Variants in LGSN observed in about 807,000 individuals in gnomAD.
The protein encoded by LGSN is lengsin, lens protein with glutamine synthetase domain.
A neutral mutation model predicts 19.5 loss-of-function variants in LGSN; 21 were observed. The ratio of observed to expected loss-of-function variants is 1.07; its 90% confidence interval spans 0.76 to 1.55. The LOEUF is 1.55. Ranked by LOEUF, LGSN falls within the 40% of genes most tolerant of loss-of-function variation. The probability of loss-of-function intolerance (pLI) is 0.00; values close to 1 mark genes in which losing one functional copy is unlikely to be tolerated. For synonymous variants in LGSN, 257 were observed against 215.6 expected (o/e 1.19, Z -1.68); for missense variants, 673 against 608.5 (o/e 1.11, Z -1.12).
chr6:63,363,024 T>C, the LGSN span, among the ~76,000 whole-genome samples: 1 of 152,194 alleles, frequency 6.6e-6, no homozygotes, highest in African/African-American at 2.4e-5. Flanking sequence ...GGCAGCAATA[T>C]TTGCCGTTCT....
At chr6:63,430,822 T>C in the LGSN span, among the ~76,000 whole-genome samples, 3 of 152,158 alleles carry the variant, frequency 2.0e-5, no homozygotes, top group Admixed American at 6.5e-5. Flanking sequence ...GAACAAACTA[T>C]GATCCACTGC....
the LGSN span, among the ~76,000 whole-genome samples, chr6:63,442,883 G>T: frequency 6.6e-6 from 1 of 152,306 alleles, no homozygotes; most frequent in East Asian, 1.9e-4. Flanking sequence ...CAACTCAGGA[G>T]CCCAGCTGGC....
intron 2 of LGSN, 67 bp from the exon 3 acceptor site, chr6:63,285,820 G>A (rs947480485): frequency 1.6e-6 from 2 of 1,232,734 alleles, no homozygotes; most frequent in Middle Eastern, 1.9e-4. Context: ...AAGGAGACTG[G>A]AGACTAGTGA....
the LGSN span, among the ~76,000 whole-genome samples, chr6:63,460,438 G>A: frequency 6.6e-6 from 1 of 151,994 alleles, no homozygotes; most frequent in African/African-American, 2.4e-5. Context: ...CACTTGTCTT[G>A]TACTAAATTA....
the LGSN span, among the ~76,000 whole-genome samples, chr6:63,555,891 G>A: frequency 1.6e-3 from 236 of 151,890 alleles, no homozygotes; most frequent in African/African-American, 5.2e-3. Context: ...ACAGGGTTTC[G>A]CTATGTTGGC....
the LGSN span, among the ~76,000 whole-genome samples, chr6:63,435,260 C>A: frequency 2.6e-5 from 4 of 152,182 alleles, no homozygotes; most frequent in African/African-American, 7.2e-5. Context: ...TTCAGATCAA[C>A]CTTGTTCAGC....
the LGSN span, among the ~76,000 whole-genome samples, chr6:63,383,903 T>C: frequency 6.6e-6 from 1 of 152,164 alleles, no homozygotes; most frequent in African/African-American, 2.4e-5. Context: ...GAGCCACCCT[T>C]TCAAACTCAT....
chr6:63,498,854 G>A, the LGSN span, among the ~76,000 whole-genome samples: 1 of 152,012 alleles, frequency 6.6e-6, no homozygotes, highest in Non-Finnish European at 1.5e-5. Flanking sequence ...AGACTATAGG[G>A]TAACCAAAGA....
intron 2 of LGSN, among the ~76,000 whole-genome samples, chr6:63,291,180 T>G (rs1368064987): frequency 6.6e-6 from 1 of 152,210 alleles, no homozygotes; most frequent in South Asian, 2.1e-4. Context: ...TGAGCGCTTT[T>G]GGGTTGCGGC....
the LGSN span, among the ~76,000 whole-genome samples, chr6:63,471,995 A>G: frequency 9.9e-5 from 15 of 152,188 alleles, no homozygotes; most frequent in African/African-American, 3.4e-4. Flanking sequence ...CTTCTGTTTT[A>G]TCCAGGATTA....
the LGSN span, among the ~76,000 whole-genome samples, chr6:63,511,843 ACTT>A: frequency 1.3e-5 from 2 of 152,184 alleles, no homozygotes; most frequent in South Asian, 4.1e-4. Flanking sequence ...ATTTGTTACT[ACTT>A]ATGTGTACAC....
At chr6:63,288,529 T>G (rs575679155) in intron 2 of LGSN, among the ~76,000 whole-genome samples, 56 of 151,876 alleles carry the variant, frequency 3.7e-4, no homozygotes, top group African/African-American at 1.3e-3. Flanking sequence ...CATGGACAGC[T>G]CTAACCCTTG....
At chr6:63,523,331 G>A in the LGSN span, among the ~76,000 whole-genome samples, 51 of 151,954 alleles carry the variant, frequency 3.4e-4, no homozygotes, top group East Asian at 2.3e-3. Context: ...TCAGGAGTTC[G>A]AGACTAGCCT....
At chr6:63,569,919 C>T in the LGSN span, among the ~76,000 whole-genome samples, 1 of 152,190 alleles carries the variant, frequency 6.6e-6, no homozygotes, top group East Asian at 1.9e-4. Flanking sequence ...AGTCTCCTGA[C>T]CAATGCTGGG....
At chr6:63,399,074 T>C in the LGSN span, among the ~76,000 whole-genome samples, 1 of 152,286 alleles carries the variant, frequency 6.6e-6, no homozygotes, top group Admixed American at 6.5e-5. Flanking sequence ...CCCAAAGTGA[T>C]GGGATTACAA....
At chr6:63,292,104 C>CAAGAA (rs1264607044) in intron 2 of LGSN, among the ~76,000 whole-genome samples, 4 of 152,174 alleles carry the variant, frequency 2.6e-5, no homozygotes, top group African/African-American at 7.2e-5. Flanking sequence ...AACCTCACTT[C>CAAGAA]TACAGTCACA....
At chr6:63,409,662 A>G in the LGSN span, among the ~76,000 whole-genome samples, 7 of 152,212 alleles carry the variant, frequency 4.6e-5, no homozygotes, top group Non-Finnish European at 4.4e-5. Context: ...AATACTTAAT[A>G]GCTCAGATGG....
the LGSN span, among the ~76,000 whole-genome samples, chr6:63,346,912 G>T: frequency 3.1e-4 from 47 of 152,288 alleles, no homozygotes. Flanking sequence ...CCTATGGACT[G>T]CTGAACACAT....
chr6:63,460,404 C>T, the LGSN span, among the ~76,000 whole-genome samples: 1 of 152,106 alleles, frequency 6.6e-6, no homozygotes, highest in African/African-American at 2.4e-5. Flanking sequence ...AGTCTAATAA[C>T]TTTCCTAACA....
Sources: gnomAD v4.1 joint callset for allele counts (sites outside exome capture counted in the v4.1 genomes callset) on GRCh38, gnomAD v4.1.1 for gene constraint, MANE v1.5 for transcripts, NCBI Gene and HGNC (gene_info 2026-07-23, HGNC 2026-07-21) for gene names.